The following C2CD5 variants were observed in gnomAD, a reference collection of about 807,000 sequenced individuals.
The protein encoded by C2CD5 is C2 calcium dependent domain containing 5.
C2CD5 carries 109 observed loss-of-function variants against 130.3 expected under a neutral mutation model. The ratio of observed to expected loss-of-function variants is 0.84; its 90% confidence interval spans 0.72 to 0.98. The LOEUF (loss-of-function observed/expected upper bound fraction) is 0.98. C2CD5 is among the 50% of genes least tolerant of loss of function. The probability of loss-of-function intolerance (pLI) is 0.00; values close to 1 mark genes in which losing one functional copy is unlikely to be tolerated. For missense variants in C2CD5, 996 were observed against 1,261.8 expected (o/e 0.79, Z 3.19); for synonymous variants, 454 against 429.2 (o/e 1.06, Z -0.71).
rs918605281 is a variant in C2CD5 at position 22,530,076 on chromosome 12, C to CTATATA, written c.178-2190_178-2185dup. 6.4e-3 allele frequency among the ~76,000 whole-genome samples: 495 copies of CTATATA among 77,182 alleles called. 3 individuals are homozygous for CTATATA. Among genetic ancestry groups the CTATATA allele is most frequent in the Non-Finnish European group, 8.0e-3 (322 of 40,166 alleles). The allele number at this position is 77,182 out of a possible 152,430, so 50.6% of individuals were successfully genotyped here. A position where few individuals can be genotyped will look rare whatever the true frequency, so the allele number is the denominator to read the frequency against. On this transcript the variant is annotated intron_variant, in intron 3 of 26. Transcript: ENST00000446597. Reference sequence around the variant, plus strand: ...TTTGCTTAAGACATGTATTTGAGTGCTATATATATATATATATATATATAT... The same window carrying CTATATA: ...TTTGCTTAAGACATGTATTTGAGTGCTATATATATATATATATATATATATATATAT...
intron 8 of C2CD5, chr12:22,515,094 A>G: frequency 1.0e-6 from 1 of 985,070 alleles, no homozygotes; most frequent in South Asian, 4.7e-5. Flanking sequence ...AGGGAACCAC[A>G]AGAGAGAGAG....
intron 25 of C2CD5, among the ~76,000 whole-genome samples, chr12:22,455,533 T>C (rs1939657497): frequency 6.6e-6 from 1 of 152,216 alleles, no homozygotes; most frequent in Non-Finnish European, 1.5e-5. Context: ...GGTTAATTCA[T>C]AATATATGCC....
Position 22,535,301 on chromosome 12 carries a change from T to C in C2CD5, c.134A>G (p.Lys45Arg). 6.2e-7 allele frequency: 1 copy of C among 1,607,450 alleles called. No individual in the cohort carries two copies. The highest frequency in any genetic ancestry group is 8.5e-7 in the Non-Finnish European group (1 of 1,174,390). ...NTTFKTDVYL[K>R]SLNPQWNSEW... ...CGAGTTCCACTGAGGGTTGAGTGAC[T>C]TAAGGTACACATCTGTTTTAAAGGT... Residue 45 changes from lysine to arginine, a missense_variant, in exon 3 of 27, where the codon AAG (lysine) becomes AGG (arginine). Physicochemically the swap from Lys to Arg is conservative, Grantham distance 26. Coordinates refer to ENST00000446597, the MANE Select transcript of C2CD5 (RefSeq NM_001286176.2).
intron 7 of C2CD5, among the ~76,000 whole-genome samples, chr12:22,521,337 TACA>T (rs777139683): frequency 2.6e-5 from 4 of 152,174 alleles, no homozygotes; most frequent in East Asian, 1.9e-4. Context: ...ATCATGAGGC[TACA>T]ACAAGATTAG....
At chr12:22,543,919 C>T in intron 2 of C2CD5, 142 bp downstream of exon 2, 1 of 642,512 alleles carries the variant, frequency 1.6e-6, no homozygotes, top group Admixed American at 2.6e-5. Context: ...CGGCGGTCAT[C>T]CCTCGTGGGA....
chr12:22,523,030 A>G (rs1438082774), intron 7 of C2CD5, among the ~76,000 whole-genome samples: 1 of 152,080 alleles, frequency 6.6e-6, no homozygotes, highest in African/African-American at 2.4e-5. Context: ...GCTAGGCAAC[A>G]TGACAAAACC....
chr12:22,470,780 CACAG>C (rs1942889202), intron 21 of C2CD5, 40 bp downstream of exon 21: 6 of 1,193,092 alleles, frequency 5.0e-6, no homozygotes, highest in Non-Finnish European at 7.5e-6. Context: ...TGAACCATAA[CACAG>C]ACAAACACAA....
intron 3 of C2CD5, among the ~76,000 whole-genome samples, chr12:22,530,788 G>C (rs934952649): frequency 6.6e-6 from 1 of 151,848 alleles, no homozygotes; most frequent in Non-Finnish European, 1.5e-5. Context: ...GGAACTGCCT[G>C]GTAAATCCCT....
At chr12:22,513,960 A>C (rs1949456561) in intron 8 of C2CD5, among the ~76,000 whole-genome samples, 1 of 152,184 alleles carries the variant, frequency 6.6e-6, no homozygotes, top group African/African-American at 2.4e-5. Flanking sequence ...ACAAAAATCA[A>C]CATAAACTTT....
intron 22 of C2CD5, among the ~76,000 whole-genome samples, chr12:22,468,429 G>C (rs915835300): frequency 6.6e-6 from 1 of 152,044 alleles, no homozygotes; most frequent in African/African-American, 2.4e-5. Flanking sequence ...TGTTGCCCAG[G>C]CTGGTCTTAA....
chr12:22,450,112 G>A (rs544633569), intron 26 of C2CD5, among the ~76,000 whole-genome samples: 38 of 152,122 alleles, frequency 2.5e-4, no homozygotes, highest in Admixed American at 5.9e-4. Context: ...ATTCAAGCCC[G>A]CTATTAGAGA....
rs1341957516 is a variant in C2CD5, at chr12:22,524,595, T to C, written c.478A>G (p.Ile160Val). 6.2e-7 allele frequency: 1 copy of C among 1,613,284 alleles called. No individual in the cohort carries two copies. The change falls in exon 6 of 27, where the codon ATA becomes GTA. Residue 160 changes from isoleucine to valine, a missense_variant. Ile to Val is a conservative substitution (Grantham distance 29, BLOSUM62 3). Around this residue, in one of 9 missense-constraint regions of C2CD5, gnomAD observed 49 missense variants for 52.0 expected, o/e 0.94. Transcript: ENST00000446597. ...TSIPKCYRAV[I>V]IHGFVEELVV... ...AGTTCTTCTACAAATCCATGAATTA[T>C]CACAGCTCTATAGCATTTTGGAATA...
chr12:22,507,373 T>C (rs530435203), intron 9 of C2CD5, among the ~76,000 whole-genome samples: 47 of 152,264 alleles, frequency 3.1e-4, no homozygotes, highest in African/African-American at 1.1e-3. Flanking sequence ...AGAATCATTG[T>C]GTGAGGTTAC....
chr12:22,520,235 C>T (rs1197213222), intron 7 of C2CD5, among the ~76,000 whole-genome samples: 3 of 152,132 alleles, frequency 2.0e-5, no homozygotes, highest in Non-Finnish European at 4.4e-5. Context: ...TATGTGAGTA[C>T]ACTCTGAAAA....
At chr12:22,499,202 T>C (rs1947428718) in intron 10 of C2CD5, among the ~76,000 whole-genome samples, 1 of 152,214 alleles carries the variant, frequency 6.6e-6, no homozygotes, top group African/African-American at 2.4e-5. Flanking sequence ...ACTGTAGGTA[T>C]GTGGGATAAT....
chr12:22,541,070 C>CT (rs1433583349), intron 2 of C2CD5, among the ~76,000 whole-genome samples: 5 of 151,966 alleles, frequency 3.3e-5, no homozygotes, highest in South Asian at 4.2e-4. Flanking sequence ...ACTCAGACCT[C>CT]TTTTTTTTGA....
chr12:22,464,455 T>C (rs1941728347), intron 22 of C2CD5, among the ~76,000 whole-genome samples: 2 of 152,168 alleles, frequency 1.3e-5, no homozygotes, highest in Non-Finnish European at 2.9e-5. Context: ...TTACTCCCTC[T>C]TCCTCTAACT....
chr12:22,495,430 C>A (rs958085833), intron 10 of C2CD5, among the ~76,000 whole-genome samples: 5 of 152,000 alleles, frequency 3.3e-5, no homozygotes, highest in African/African-American at 1.2e-4. Context: ...TATGTTATAA[C>A]AATTCCTATG....
chr12:22,472,712 A>T, intron 17 of C2CD5, 32 bp downstream of exon 17: 1 of 1,161,924 alleles, frequency 8.6e-7, no homozygotes. Flanking sequence ...ATGTAAAACT[A>T]GTTTCATCTC....
Sources: gnomAD v4.1 joint callset for allele counts (sites outside exome capture counted in the v4.1 genomes callset) on GRCh38, gnomAD v4.1.1 for gene constraint, gnomAD v4.1.1 regional missense constraint, MANE v1.5 for transcripts, NCBI Gene and HGNC (gene_info 2026-07-23, HGNC 2026-07-21) for gene names.